The following NAE1 variants were observed in gnomAD, a reference collection of about 807,000 sequenced individuals.
NAE1 encodes NEDD8 activating enzyme E1 subunit 1.
A neutral mutation model predicts 88.0 loss-of-function variants in NAE1; 59 were observed. The ratio of observed to expected loss-of-function variants is 0.67; its 90% CI spans 0.54 to 0.83. The LOEUF (loss-of-function observed/expected upper bound fraction) is 0.83, where lower values mean the gene tolerates loss of function less well. Ranked by LOEUF, NAE1 falls within the 40% of genes least tolerant of loss-of-function variation. The pLI is 0.00. For synonymous variants in NAE1, 186 were observed against 208.9 expected, an observed-to-expected ratio of 0.89 and a Z score of 0.95; for missense variants, 554 against 632.8, an observed-to-expected ratio of 0.88 and a Z score of 1.34.
chr16:66,824,578 C>G, intron 4 of NAE1: 1 of 235,020 alleles, frequency 4.3e-6, no homozygotes, highest in East Asian at 1.1e-4. Flanking sequence ...GGGGACAGAG[C>G]GAGACTCCGT....
intron 1 of NAE1, among the ~76,000 whole-genome samples, chr16:66,828,790 G>A (rs1055573494): frequency 3.3e-5 from 5 of 151,996 alleles, no homozygotes; most frequent in African/African-American, 9.7e-5. Flanking sequence ...GCAGAGGTAC[G>A]AGACCAGCCT....
chr16:66,824,388 C>G (rs987835640), intron 4 of NAE1: 1 of 152,404 alleles, frequency 6.6e-6, no homozygotes, highest in African/African-American at 2.4e-5. Flanking sequence ...GTCAGGAGAT[C>G]GAGACCATCC....
At chr16:66,816,035 C>T (rs150280597) in intron 11 of NAE1, among the ~76,000 whole-genome samples, 39 of 152,314 alleles carry the variant, frequency 2.6e-4, no homozygotes, top group Non-Finnish European at 5.3e-4. Context: ...TAATATCTTA[C>T]GTGCCTTCCT....
chr16:66,823,178 T>C, intron 6 of NAE1, 49 bp downstream of exon 6: 1 of 1,199,912 alleles, frequency 8.3e-7, no homozygotes, highest in East Asian at 2.5e-5. Flanking sequence ...AATAAAACAA[T>C]GCAAATCTAA....
intron 3 of NAE1, 199 bp downstream of exon 3, chr16:66,826,324 T>C: frequency 1.7e-6 from 1 of 584,806 alleles, no homozygotes; most frequent in South Asian, 2.1e-5. Context: ...AAGACAGTAA[T>C]GATGGGTAAC....
intron 8 of NAE1, among the ~76,000 whole-genome samples, chr16:66,817,943 GTTT>G (rs1441092057): frequency 6.6e-6 from 1 of 152,010 alleles, no homozygotes; most frequent in Non-Finnish European, 1.5e-5. Context: ...TTTTATTTCT[GTTT>G]TTTGTTTTAA....
chr16:66,824,838 A>C lies in NAE1; in HGVS notation c.249+17T>G. ...TCATTAGATGCTCACATCCAACTAT[A>C]TTCTCTAATTGTTTACCTTGCCGAT... On this transcript the variant is annotated intron_variant, in intron 4 of 19. Transcript: ENST00000290810. The C allele has an allele frequency of 6.2e-7, 1 of 1,603,186 alleles. No individual in the cohort carries two copies. The highest frequency in any genetic ancestry group is 1.1e-5 in the South Asian group (1 of 89,920).
chr16:66,830,743 A>G, intron 1 of NAE1, 104 bp downstream of exon 1: 1 of 1,131,224 alleles, frequency 8.8e-7, no homozygotes, highest in Non-Finnish European at 1.2e-6. Context: ...CCAGCCTGGA[A>G]GAAGGCCTGA....
At position 66,813,793 on chromosome 16, in the gene NAE1, G is replaced by A. The variant is rs754736350; in HGVS notation, c.894C>T (p.Thr298=). ...IFNDDRCINI[T]KQTPSFWILA... ...TTACTTTTGTTGTTGTTACCTGTTT[G>A]GTGATATTTATGCAGCGATCATCAT... Residue 298 remains threonine, a synonymous_variant, in exon 12 of 20, where the codon ACC becomes ACT. Coordinates refer to ENST00000290810, the MANE Select transcript of NAE1 (RefSeq NM_003905.4). 6.2e-7 allele frequency: 1 copy of A among 1,613,698 alleles called. No individual in the cohort carries two copies. The highest frequency in any genetic ancestry group is 8.5e-7 in the Non-Finnish European group (1 of 1,179,806).
At position 66,825,153 on chromosome 16, in the gene NAE1, G is replaced by A. The variant is rs538967122; in HGVS notation, c.219-268C>T. 2.2e-3 allele frequency among the ~76,000 whole-genome samples: 332 copies of A among 152,304 alleles called. 1 individual carries two copies. The highest frequency in any genetic ancestry group is 4.0e-3 in the Non-Finnish European group (271 of 68,018). On this transcript the variant is annotated intron_variant, in intron 3 of 19. Transcript: ENST00000290810. ...AGAAAAGGGTTCCTTGGCTAAAAAC[G>A]TTTGGGAAACACCGGCGGGTGTGGT...
At chr16:66,825,993 C>G (rs1597050936) in intron 3 of NAE1, 2 of 153,582 alleles carry the variant, frequency 1.3e-5, no homozygotes, top group African/African-American at 4.8e-5. Flanking sequence ...TATATTTACT[C>G]ACTGTTGTTG....
chr16:66,804,129 GGA>G (rs1390099256), intron 19 of NAE1, among the ~76,000 whole-genome samples: 3 of 151,958 alleles, frequency 2.0e-5, no homozygotes, highest in Non-Finnish European at 4.4e-5. Flanking sequence ...ATTTTAAATA[GGA>G]GAGTCAGGGA....
At chr16:66,816,536 GA>G (rs1336057560) in intron 11 of NAE1, 44 bp downstream of exon 11, 1 of 1,349,744 alleles carries the variant, frequency 7.4e-7, no homozygotes, top group Non-Finnish European at 1.1e-6. Context: ...AAGGACTCTA[GA>G]AAACATCTTG....
chr16:66,805,493 G>A (rs1188267912), intron 19 of NAE1: 1 of 327,688 alleles, frequency 3.1e-6, no homozygotes, highest in Non-Finnish European at 5.5e-6. Flanking sequence ...TGAAAAATTA[G>A]CCAGGCTTAC....
intron 1 of NAE1, chr16:66,828,220 G>A: frequency 1.6e-6 from 1 of 617,564 alleles, no homozygotes; most frequent in Non-Finnish European, 2.8e-6. Context: ...GCTGGGCGCA[G>A]TGGCTCACGC....
intron 9 of NAE1, 191 bp from the exon 10 acceptor site, chr16:66,817,219 A>G: frequency 1.1e-6 from 1 of 905,166 alleles, no homozygotes; most frequent in South Asian, 1.6e-5. Flanking sequence ...TGCCAGTTTC[A>G]TAATGACATT....
At chr16:66,808,766 A>AT in intron 16 of NAE1, 153 bp from the exon 17 acceptor site, 1 of 660,866 alleles carries the variant, frequency 1.5e-6, no homozygotes, top group Non-Finnish European at 2.6e-6. Flanking sequence ...TAACTCATAC[A>AT]TATCACACAA....
At chr16:66,808,480 G>T in intron 17 of NAE1, 41 bp downstream of exon 17, 1 of 1,264,270 alleles carries the variant, frequency 7.9e-7, no homozygotes, top group Non-Finnish European at 1.1e-6. Flanking sequence ...ATGTTTTATT[G>T]AAGATCTTAT....
intron 1 of NAE1, among the ~76,000 whole-genome samples, chr16:66,827,231 A>G (rs753521396): frequency 1.3e-5 from 2 of 151,150 alleles, no homozygotes; most frequent in Admixed American, 1.3e-4. Flanking sequence ...CTGGGATTAC[A>G]GGTGTGAGCC....
Sources: allele counts gnomAD v4.1 joint callset (sites outside exome capture counted in the v4.1 genomes callset), GRCh38; gene constraint gnomAD v4.1.1; transcripts MANE v1.5; gene names NCBI Gene and HGNC (gene_info 2026-07-23, HGNC 2026-07-21).